Variants in HTR1F observed in about 807,000 individuals in gnomAD.
HTR1F encodes the protein 5-hydroxytryptamine receptor 1F.
HTR1F carries 17 observed loss-of-function variants against 24.0 expected under a neutral mutation model. The ratio of observed to expected loss-of-function variants is 0.71; its 90% CI spans 0.48 to 1.06. HTR1F has a LOEUF of 1.06. Ranked by LOEUF, HTR1F falls within the 50% of genes least tolerant of loss-of-function variation. HTR1F has a pLI of 0.00. For missense variants in HTR1F, 391 were observed against 427.8 expected (o/e 0.91, Z 0.76); for synonymous variants, 186 against 156.8 (o/e 1.19, Z -1.39).
intron 2 of HTR1F, among the ~76,000 whole-genome samples, chr3:87,859,736 T>G (rs1223071451): frequency 6.6e-6 from 1 of 152,236 alleles, no homozygotes; most frequent in Non-Finnish European, 1.5e-5. Flanking sequence ...CATACACCAC[T>G]AAGTTTTAAC....
intron 2 of HTR1F, among the ~76,000 whole-genome samples, chr3:87,929,169 G>A (rs1305524311): frequency 1.3e-5 from 2 of 152,178 alleles, no homozygotes; most frequent in South Asian, 2.1e-4. Context: ...CTTACATGAT[G>A]TTGGTAGCTG....
chr3:87,881,451 C>G (rs572208663), intron 2 of HTR1F, among the ~76,000 whole-genome samples: 1 of 152,282 alleles, frequency 6.6e-6, no homozygotes, highest in East Asian at 1.9e-4. Context: ...GCAGAGCCCA[C>G]TGCAGCTCAG....
At chr3:87,845,951 T>G (rs1704931333) in intron 2 of HTR1F, among the ~76,000 whole-genome samples, 3 of 151,994 alleles carry the variant, frequency 2.0e-5, no homozygotes, top group Admixed American at 2.0e-4. Flanking sequence ...CATCAAATCC[T>G]AGTACTTAGC....
intron 2 of HTR1F, among the ~76,000 whole-genome samples, chr3:87,948,019 AT>A (rs1402771215): frequency 3.3e-5 from 5 of 152,310 alleles, no homozygotes; most frequent in Admixed American, 2.0e-4. Context: ...AGTGAAAAAA[AT>A]CCTATCTAAT....
chr3:87,882,561 C>T (rs887779600), intron 2 of HTR1F, among the ~76,000 whole-genome samples: 2 of 152,026 alleles, frequency 1.3e-5, no homozygotes, highest in Admixed American at 6.6e-5. Context: ...TTTGTAGGGA[C>T]ATGGATGAAA....
At chr3:87,838,623 T>C (rs1195841168) in intron 2 of HTR1F, among the ~76,000 whole-genome samples, 2 of 152,112 alleles carry the variant, frequency 1.3e-5, no homozygotes, top group Admixed American at 1.3e-4. Flanking sequence ...GCTGAAGAGT[T>C]TTACATTTAA....
At chr3:87,841,569 T>C (rs1212864170) in intron 2 of HTR1F, among the ~76,000 whole-genome samples, 1 of 151,766 alleles carries the variant, frequency 6.6e-6, no homozygotes, top group East Asian at 1.9e-4. Context: ...TTATTTGAAA[T>C]TCTAGATTTC....
At chr3:87,954,612 A>C (rs1210376737) in intron 2 of HTR1F, among the ~76,000 whole-genome samples, 1 of 151,734 alleles carries the variant, frequency 6.6e-6, no homozygotes, top group Non-Finnish European at 1.5e-5. Context: ...ATCATTTCAC[A>C]CAGTACAGAG....
chr3:87,814,288 G>GTA (rs762163994), intron 1 of HTR1F, among the ~76,000 whole-genome samples: 42 of 152,040 alleles, frequency 2.8e-4, no homozygotes, highest in African/African-American at 8.7e-4. Flanking sequence ...GACAAAAATT[G>GTA]TATATATATA....
intron 1 of HTR1F, among the ~76,000 whole-genome samples, chr3:87,798,266 C>T (rs1703937667): frequency 6.6e-6 from 1 of 152,074 alleles, no homozygotes; most frequent in African/African-American, 2.4e-5. Context: ...ATGAATCTCC[C>T]TCACCAGTTC....
At chr3:87,903,498 T>G (rs1317957045) in intron 2 of HTR1F, among the ~76,000 whole-genome samples, 21 of 151,884 alleles carry the variant, frequency 1.4e-4, no homozygotes, top group Non-Finnish European at 2.6e-4. Flanking sequence ...AGAAGACATT[T>G]ATGCAGCCAA....
At chr3:87,883,759 A>G (rs924683005) in intron 2 of HTR1F, among the ~76,000 whole-genome samples, 4 of 152,200 alleles carry the variant, frequency 2.6e-5, no homozygotes, top group Non-Finnish European at 5.9e-5. Context: ...TGAATATCAA[A>G]TCAATGAAAT....
chr3:87,978,805 A>G (rs1705455777), intron 2 of HTR1F, among the ~76,000 whole-genome samples: 1 of 142,816 alleles, frequency 7.0e-6, no homozygotes, highest in African/African-American at 2.5e-5. Flanking sequence ...AGAGATGGGA[A>G]AGACTGAAGG....
intron 2 of HTR1F, among the ~76,000 whole-genome samples, chr3:87,927,807 G>C (rs1704163501): frequency 6.6e-6 from 1 of 152,066 alleles, no homozygotes; most frequent in South Asian, 2.1e-4. Context: ...AAATAAGACA[G>C]ATGCTATCAT....
chr3:87,916,577 C>G (rs1404617445), intron 2 of HTR1F, among the ~76,000 whole-genome samples: 3 of 152,010 alleles, frequency 2.0e-5, no homozygotes, highest in Admixed American at 2.0e-4. Context: ...GATAGCTATT[C>G]TTATATCAGA....
At chr3:87,980,183 C>A (rs1411681112) in intron 2 of HTR1F, among the ~76,000 whole-genome samples, 1 of 152,186 alleles carries the variant, frequency 6.6e-6, no homozygotes, top group East Asian at 1.9e-4. Flanking sequence ...GTGAACAAGG[C>A]AAAGGAATGC....
intron 1 of HTR1F, among the ~76,000 whole-genome samples, chr3:87,813,742 T>C (rs1312893212): frequency 1.3e-5 from 2 of 152,192 alleles, no homozygotes; most frequent in African/African-American, 4.8e-5. Flanking sequence ...CATTCCCCCA[T>C]GCTGTTCACA....
chr3:87,966,650 T>G (rs1159960607), intron 2 of HTR1F, among the ~76,000 whole-genome samples: 1 of 150,378 alleles, frequency 6.6e-6, no homozygotes. Flanking sequence ...ATTAGTGATC[T>G]AAGAATTAAA....
At chr3:87,952,556 A>G (rs1704856386) in intron 2 of HTR1F, among the ~76,000 whole-genome samples, 1 of 152,004 alleles carries the variant, frequency 6.6e-6, no homozygotes, top group African/African-American at 2.4e-5. Flanking sequence ...CAGCATCAAT[A>G]AATTGCGATC....
Sources: allele counts gnomAD v4.1 joint callset (sites outside exome capture counted in the v4.1 genomes callset), GRCh38; gene constraint gnomAD v4.1.1; transcripts MANE v1.5; gene names NCBI Gene and HGNC (gene_info 2026-07-23, HGNC 2026-07-21).